DCT: variants seen among roughly 807,000 people sequenced by gnomAD.
The protein encoded by DCT is L-dopachrome tautomerase.
Under a neutral mutation model 53.0 loss-of-function variants are expected in DCT, and 47 were observed. The observed-to-expected ratio is 0.89, with a 90% confidence interval of 0.70 to 1.13. DCT has a LOEUF of 1.13. Among genes scored for constraint, DCT ranks in the 50% most tolerant of loss-of-function variants. The pLI, the probability that DCT is intolerant of heterozygous loss-of-function variation, is 0.00. For synonymous variants in DCT, 244 were observed against 237.0 expected, an observed-to-expected ratio of 1.03 and a Z score of -0.27; for missense variants, 669 against 637.4, an observed-to-expected ratio of 1.05 and a Z score of -0.53.
At position 94,465,566 on chromosome 13, in the gene DCT, C is replaced by T; in HGVS notation, c.863+67G>A. On this transcript the variant is annotated intron_variant, in intron 4 of 7. Transcript: ENST00000377028. ...AAGAAACAGCACTATAAAGTGACTTCTCCTCCATGTCTCAGACATCAGAAA... is the reference window on the plus strand; with the variant it reads ...AAGAAACAGCACTATAAAGTGACTTTTCCTCCATGTCTCAGACATCAGAAA... 3 of 1,458,378 alleles carry T rather than the reference C, an allele frequency of 2.1e-6. No homozygotes were observed. In the South Asian group the frequency reaches 3.8e-5, roughly 19 times the overall value. The allele number at this position is 1,458,378 out of a possible 1,614,324, so 90.3% of individuals were successfully genotyped here. A position where few individuals can be genotyped will look rare whatever the true frequency, so the allele number is the denominator to read the frequency against.
chr13:94,448,621 G>C (rs1408953966), intron 6 of DCT, among the ~76,000 whole-genome samples: 2 of 152,138 alleles, frequency 1.3e-5, no homozygotes, highest in Non-Finnish European at 2.9e-5. Context: ...TGTATCATTG[G>C]GCTGGGCATG....
chr13:94,519,956 G>T, the DCT span, among the ~76,000 whole-genome samples: 1 of 152,158 alleles, frequency 6.6e-6, no homozygotes, highest in African/African-American at 2.4e-5. Context: ...ACATCTAATA[G>T]AATCTTTAAG....
intron 1 of DCT, among the ~76,000 whole-genome samples, chr13:94,476,174 G>C (rs1319392556): frequency 6.8e-6 from 1 of 147,712 alleles, no homozygotes; most frequent in African/African-American, 2.5e-5. Flanking sequence ...AGAGCAGGGG[G>C]AGCCTCTTTT....
At chr13:94,548,237 GATA>G in the DCT span, among the ~76,000 whole-genome samples, 1 of 151,888 alleles carries the variant, frequency 6.6e-6, no homozygotes, top group Admixed American at 6.6e-5. Context: ...ATAAAATGGG[GATA>G]ATAATATGTA....
At chr13:94,462,891 C>T (rs980429603) in intron 4 of DCT, among the ~76,000 whole-genome samples, 7 of 152,050 alleles carry the variant, frequency 4.6e-5, no homozygotes, top group African/African-American at 1.2e-4. Flanking sequence ...TGTAAAGTTA[C>T]GAAAACCTTT....
intron 3 of DCT, among the ~76,000 whole-genome samples, chr13:94,466,335 C>T (rs1399815586): frequency 6.6e-6 from 1 of 151,812 alleles, no homozygotes; most frequent in Non-Finnish European, 1.5e-5. Context: ...GTATTGTGTA[C>T]TGGTGATTTG....
the DCT span, among the ~76,000 whole-genome samples, chr13:94,516,913 G>A: frequency 0.35 from 53,034 of 152,024 alleles, 9,682 homozygotes; most frequent in East Asian, 0.61. Flanking sequence ...AAAATAGACT[G>A]AGACACAACC....
the DCT span, among the ~76,000 whole-genome samples, chr13:94,536,077 A>T: frequency 1.3e-5 from 2 of 152,226 alleles, no homozygotes; most frequent in African/African-American, 4.8e-5. Context: ...AGAAGCCAGT[A>T]AATGACAAAA....
chr13:94,496,892 G>C, the DCT span, among the ~76,000 whole-genome samples: 1 of 152,188 alleles, frequency 6.6e-6, no homozygotes, highest in Non-Finnish European at 1.5e-5. Context: ...GAAAGCTGCA[G>C]GCCTCAGTGC....
At chr13:94,503,912 G>C in the DCT span, among the ~76,000 whole-genome samples, 4 of 152,180 alleles carry the variant, frequency 2.6e-5, no homozygotes, top group African/African-American at 7.2e-5. Context: ...AACTATTAGA[G>C]TTATTGATGA....
the DCT span, among the ~76,000 whole-genome samples, chr13:94,521,798 A>G: frequency 6.6e-6 from 1 of 152,216 alleles, no homozygotes; most frequent in Non-Finnish European, 1.5e-5. Flanking sequence ...TAAATACACA[A>G]TTTGATGGCT....
chr13:94,475,216 A>G (rs530174254), intron 1 of DCT, among the ~76,000 whole-genome samples: 68 of 152,308 alleles, frequency 4.5e-4, no homozygotes, highest in Middle Eastern at 3.4e-3. Context: ...TATGACATAC[A>G]CAAAATAACT....
chr13:94,448,511 T>C (rs1882870182), intron 6 of DCT, among the ~76,000 whole-genome samples: 1 of 152,224 alleles, frequency 6.6e-6, no homozygotes, highest in East Asian at 1.9e-4. Context: ...ATTGTATCTT[T>C]GTTAAATACA....
At chr13:94,469,664 A>T (rs1385738602) in intron 1 of DCT, among the ~76,000 whole-genome samples, 1 of 152,228 alleles carries the variant, frequency 6.6e-6, no homozygotes, top group Non-Finnish European at 1.5e-5. Flanking sequence ...CCTTCCTCCC[A>T]GGATCGCAGG....
At chr13:94,448,231 C>A (rs372004602) in intron 6 of DCT, among the ~76,000 whole-genome samples, 4 of 151,892 alleles carry the variant, frequency 2.6e-5, no homozygotes, top group African/African-American at 7.3e-5. Context: ...AGTGACAGAG[C>A]GAGATACTGT....
chr13:94,448,318 GT>G (rs1379693704), intron 6 of DCT, among the ~76,000 whole-genome samples: 1 of 152,132 alleles, frequency 6.6e-6, no homozygotes, highest in Non-Finnish European at 1.5e-5. Context: ...TAGAATGTAA[GT>G]TTTTTTGAAA....
chr13:94,505,094 G>C, the DCT span, among the ~76,000 whole-genome samples: 1 of 151,798 alleles, frequency 6.6e-6, no homozygotes, highest in African/African-American at 2.4e-5. Context: ...AAAAAGTTTA[G>C]AAAATGTTTA....
At position 94,479,303 on chromosome 13, in the gene DCT, C is replaced by T. The variant is rs949580198; in HGVS notation, c.-48G>A. On this transcript the variant is annotated 5_prime_UTR_variant, in exon 1 of 8. Coordinates refer to ENST00000377028, the MANE Select transcript of DCT (RefSeq NM_001922.5). ...TCTCTCTCTCTTACTTTCCTTGTCT[C>T]TGTCGTACTTTTCTCCTTATCTTCT... 6.8e-7 allele frequency: 1 copy of T among 1,462,468 alleles called. No individual in the cohort carries two copies. The highest frequency in any genetic ancestry group is 1.4e-5 in the South Asian group (1 of 72,200). The allele number at this position is 1,462,468 out of a possible 1,614,324, so 90.6% of individuals were successfully genotyped here. A position where few individuals can be genotyped will look rare whatever the true frequency, so the allele number is the denominator to read the frequency against.
chr13:94,518,622 C>G, the DCT span, among the ~76,000 whole-genome samples: 3 of 152,198 alleles, frequency 2.0e-5, no homozygotes, highest in Non-Finnish European at 4.4e-5. Flanking sequence ...ATGTAATATT[C>G]AATTCACTGT....
Sources: gnomAD v4.1 joint callset for allele counts (sites outside exome capture counted in the v4.1 genomes callset) on GRCh38, gnomAD v4.1.1 for gene constraint, MANE v1.5 for transcripts, NCBI Gene and HGNC (gene_info 2026-07-23, HGNC 2026-07-21) for gene names.